The following FILIP1L variants were observed in gnomAD, a reference collection of about 807,000 sequenced individuals.
FILIP1L encodes the protein filamin A interacting protein 1 like.
Under a neutral mutation model 96.6 loss-of-function variants are expected in FILIP1L, and 55 were observed. That is an observed-to-expected ratio of 0.57 (90% CI 0.46 to 0.71). The LOEUF (loss-of-function observed/expected upper bound fraction) is 0.71. Among genes scored for constraint, FILIP1L ranks in the 30% least tolerant of loss-of-function variants. The probability of loss-of-function intolerance (pLI) is 0.00; values close to 1 mark genes in which losing one functional copy is unlikely to be tolerated. For synonymous variants in FILIP1L, 467 were observed against 473.9 expected (o/e 0.99, Z 0.19); for missense variants, 1,304 against 1,321.2 (o/e 0.99, Z 0.20).
intron 1 of FILIP1L, among the ~76,000 whole-genome samples, chr3:100,030,647 T>C (rs2065008056): frequency 6.6e-6 from 1 of 152,156 alleles, no homozygotes; most frequent in Non-Finnish European, 1.5e-5. Context: ...GAGTAATCAT[T>C]GTCCCCACAA....
chr3:100,038,980 T>C (rs971536271), intron 1 of FILIP1L, among the ~76,000 whole-genome samples: 1 of 152,208 alleles, frequency 6.6e-6, no homozygotes, highest in Non-Finnish European at 1.5e-5. Context: ...GCACACACAA[T>C]ATTGCTTGCC....
intron 4 of FILIP1L, among the ~76,000 whole-genome samples, chr3:99,871,774 C>G (rs1191079530): frequency 1.3e-5 from 2 of 152,204 alleles, no homozygotes; most frequent in African/African-American, 4.8e-5. Context: ...CCACAGAGTA[C>G]ACAGTCTTTC....
chr3:99,877,065 T>G (rs1488856331), intron 4 of FILIP1L, among the ~76,000 whole-genome samples: 1 of 152,178 alleles, frequency 6.6e-6, no homozygotes, highest in Non-Finnish European at 1.5e-5. Context: ...TGGGGTAGAT[T>G]TACTTGTACA....
intron 4 of FILIP1L, among the ~76,000 whole-genome samples, chr3:99,904,601 C>A (rs1475954454): frequency 2.0e-5 from 3 of 151,766 alleles, no homozygotes; most frequent in Non-Finnish European, 2.9e-5. Flanking sequence ...TTACTTTTCT[C>A]TTTTTTTTGT....
intron 1 of FILIP1L, among the ~76,000 whole-genome samples, chr3:99,993,655 A>G (rs542696582): frequency 8.4e-4 from 128 of 152,206 alleles, no homozygotes; most frequent in Non-Finnish European, 1.6e-3. Context: ...TGTTCCTTCT[A>G]TGCCTAGTTT....
chr3:99,922,056 C>T (rs1707142073), intron 4 of FILIP1L, among the ~76,000 whole-genome samples: 1 of 152,192 alleles, frequency 6.6e-6, no homozygotes, highest in Admixed American at 6.5e-5. Context: ...TTCACATTCC[C>T]ACCATAAATC....
intron 1 of FILIP1L, among the ~76,000 whole-genome samples, chr3:99,991,948 G>A (rs1422195424): frequency 1.4e-5 from 2 of 144,946 alleles, no homozygotes; most frequent in Non-Finnish European, 3.0e-5. Context: ...GTGTATATAT[G>A]TGTATATATG....
At chr3:100,067,070 C>T (rs1295625209) in intron 1 of FILIP1L, among the ~76,000 whole-genome samples, 3 of 152,228 alleles carry the variant, frequency 2.0e-5, no homozygotes, top group African/African-American at 7.2e-5. Flanking sequence ...ATTAGGTTAA[C>T]TGTCACAGGG....
At chr3:100,013,032 A>C (rs971235285) in intron 1 of FILIP1L, among the ~76,000 whole-genome samples, 5 of 151,852 alleles carry the variant, frequency 3.3e-5, no homozygotes, top group African/African-American at 1.2e-4. Context: ...ACACCCAGCC[A>C]ATTTTTTTGT....
intron 4 of FILIP1L, among the ~76,000 whole-genome samples, chr3:99,872,303 G>A (rs984077224): frequency 4.0e-5 from 6 of 151,196 alleles, no homozygotes; most frequent in African/African-American, 1.5e-4. Context: ...GTGTGTGTGT[G>A]TGTGTGTGTG....
chr3:99,887,261 C>G (rs918678224), intron 4 of FILIP1L, among the ~76,000 whole-genome samples: 1 of 151,326 alleles, frequency 6.6e-6, no homozygotes, highest in African/African-American at 2.4e-5. Flanking sequence ...CAGCAAAACT[C>G]CATCTCAAAA....
intron 1 of FILIP1L, among the ~76,000 whole-genome samples, chr3:99,975,895 T>C (rs1225127392): frequency 1.3e-5 from 2 of 151,672 alleles, no homozygotes; most frequent in African/African-American, 4.9e-5. Context: ...TGTCTCTTTT[T>C]GTTGTTGTTG....
chr3:100,041,323 C>T (rs1208257959), intron 1 of FILIP1L: 1 of 152,154 alleles, frequency 6.6e-6, no homozygotes, highest in Non-Finnish European at 1.5e-5. Context: ...AACTCTATGA[C>T]ATCCTAAGCT....
At chr3:100,021,424 C>G (rs2064815087) in intron 1 of FILIP1L, among the ~76,000 whole-genome samples, 1 of 152,118 alleles carries the variant, frequency 6.6e-6, no homozygotes, top group African/African-American at 2.4e-5. Flanking sequence ...CAGCATTAAG[C>G]AAGACACTTT....
In FILIP1L at chr3:99,849,791, A is replaced by G; in HGVS notation, c.1885T>C (p.Ser629Pro). The G allele has an allele frequency of 6.2e-7, 1 of 1,613,294 alleles. No individual in the cohort carries two copies. The highest frequency in any genetic ancestry group is 1.7e-5 in the Admixed American group (1 of 59,990). Reference sequence around the variant, plus strand: ...AGTTTCAGTCTTTCCACTTCTTGAGAGAGCTCCTTAATCTTATTGTTTTCT... The same window carrying G: ...AGTTTCAGTCTTTCCACTTCTTGAGGGAGCTCCTTAATCTTATTGTTTTCT... ...HQENNKIKEL[S>P]QEVERLKLKL... The change falls in exon 5 of 6, where the codon TCT becomes CCT. Residue 629 changes from serine (S) to proline (P), a missense_variant. Physicochemically the swap from Ser to Pro is moderately conservative, Grantham distance 74. Transcript: ENST00000477258.
intron 3 of FILIP1L, among the ~76,000 whole-genome samples, chr3:99,928,480 T>C (rs1707367407): frequency 6.6e-6 from 1 of 152,188 alleles, no homozygotes; most frequent in Non-Finnish European, 1.5e-5. Context: ...GCTGGACTTG[T>C]AAAGTAGGGC....
chr3:100,108,575 T>C (rs1407965878), intron 1 of FILIP1L, among the ~76,000 whole-genome samples: 4 of 152,192 alleles, frequency 2.6e-5, no homozygotes, highest in Non-Finnish European at 4.4e-5. Flanking sequence ...TGATTTTGTT[T>C]GATATTCATG....
In FILIP1L at chr3:99,891,061, G is replaced by GT. The variant is rs369861338; in HGVS notation, c.605+33168dup. On this transcript the variant is annotated intron_variant, in intron 4 of 5. Coordinates refer to ENST00000477258, the MANE Select transcript of FILIP1L (RefSeq NM_001387850.1). Reference sequence around the variant, plus strand: ...GATTTTTTTCTTTTGTTTTGTTTTTGTTTTTTTTTCAGACCACCCAGTTAG... The same window carrying GT: ...GATTTTTTTCTTTTGTTTTGTTTTTGTTTTTTTTTTCAGACCACCCAGTTAG... Among the ~76,000 whole-genome samples the GT allele has an allele frequency of 3.2e-3, 460 of 141,986 alleles. 7 individuals carry two copies. The highest frequency in any genetic ancestry group is 9.5e-3 in the African/African-American group (368 of 38,646). 93.1% of individuals were successfully genotyped at this position (141,986 alleles called of 152,430 possible).
intron 1 of FILIP1L, among the ~76,000 whole-genome samples, chr3:100,073,253 A>G (rs1429728765): frequency 6.6e-6 from 1 of 152,158 alleles, no homozygotes; most frequent in Non-Finnish European, 1.5e-5. Context: ...ATTTATTTAT[A>G]TATTATCTGA....
Sources: allele counts gnomAD v4.1 joint callset (sites outside exome capture counted in the v4.1 genomes callset), GRCh38; gene constraint gnomAD v4.1.1; transcripts MANE v1.5; gene names NCBI Gene and HGNC (gene_info 2026-07-23, HGNC 2026-07-21).